STXBP3: variants seen among roughly 807,000 people sequenced by gnomAD.
STXBP3 encodes the protein syntaxin binding protein 3.
Under a neutral mutation model 85.7 loss-of-function variants are expected in STXBP3, and 41 were observed. The ratio of observed to expected loss-of-function variants is 0.48; its 90% confidence interval spans 0.37 to 0.62. The LOEUF (loss-of-function observed/expected upper bound fraction) is 0.62. STXBP3 is among the 20% of genes least tolerant of loss of function. The pLI, the probability that STXBP3 is intolerant of heterozygous loss-of-function variation, is 0.00. For missense variants in STXBP3, 563 were observed against 703.1 expected (o/e 0.80, Z 2.25); for synonymous variants, 229 against 231.7 (o/e 0.99, Z 0.10).
At chr1:108,773,328 TACAGTAAGTCCTC>T (rs1453893331) in intron 7 of STXBP3, among the ~76,000 whole-genome samples, 4 of 152,198 alleles carry the variant, frequency 2.6e-5, no homozygotes, top group African/African-American at 9.6e-5. Flanking sequence ...AAATTGTCTA[TACAGTAAGTCCTC>T]ACTTAAAATG....
intron 6 of STXBP3, among the ~76,000 whole-genome samples, chr1:108,770,089 A>C (rs1662352181): frequency 6.6e-6 from 1 of 152,146 alleles, no homozygotes; most frequent in Non-Finnish European, 1.5e-5. Flanking sequence ...CAGGAGTACT[A>C]GACCAGCCTG....
At chr1:108,771,515 T>TATATA (rs1662415952) in intron 6 of STXBP3, among the ~76,000 whole-genome samples, 1 of 73,462 alleles carries the variant, frequency 1.4e-5, no homozygotes, top group African/African-American at 6.3e-5. Context: ...GATATATAAA[T>TATATA]ATATATGATA....
At chr1:108,749,644 C>G (rs962290480) in intron 1 of STXBP3, among the ~76,000 whole-genome samples, 1 of 152,216 alleles carries the variant, frequency 6.6e-6, no homozygotes, top group African/African-American at 2.4e-5. Context: ...TGACTCCTCT[C>G]TAAACATACC....
chr1:108,747,268 C>T (rs571407018), intron 1 of STXBP3, among the ~76,000 whole-genome samples: 3 of 151,726 alleles, frequency 2.0e-5, no homozygotes, highest in African/African-American at 7.3e-5. Flanking sequence ...TTAGTATCAA[C>T]CCGTGCTTTT....
intron 6 of STXBP3, 128 bp from the exon 7 acceptor site, chr1:108,772,535 CTA>C (rs928814095): frequency 4.9e-5 from 12 of 242,964 alleles, no homozygotes; most frequent in African/African-American, 9.6e-5. Context: ...TGATATATAT[CTA>C]TATAATATAT....
intron 16 of STXBP3, among the ~76,000 whole-genome samples, chr1:108,799,234 A>G (rs1312528307): frequency 1.3e-5 from 2 of 152,210 alleles, no homozygotes; most frequent in African/African-American, 4.8e-5. Context: ...GCTTAAACAT[A>G]TATGAAAAAT....
intron 6 of STXBP3, among the ~76,000 whole-genome samples, chr1:108,763,728 A>G (rs1287575782): frequency 6.8e-6 from 1 of 146,152 alleles, no homozygotes; most frequent in African/African-American, 2.6e-5. Flanking sequence ...GGCATGTGCT[A>G]CCATGCCCAG....
At chr1:108,748,971 G>A (rs574884014) in intron 1 of STXBP3, among the ~76,000 whole-genome samples, 3 of 152,334 alleles carry the variant, frequency 2.0e-5, no homozygotes, top group Admixed American at 2.0e-4. Flanking sequence ...AGCATTTGAG[G>A]GAATTTCGAG....
intron 6 of STXBP3, among the ~76,000 whole-genome samples, chr1:108,768,935 A>G (rs1478074620): frequency 1.3e-5 from 2 of 152,116 alleles, no homozygotes. Context: ...ATAATAAGGC[A>G]AGTAGAGTTG....
intron 17 of STXBP3, among the ~76,000 whole-genome samples, chr1:108,806,610 G>T (rs778684260): frequency 1.3e-5 from 2 of 152,070 alleles, no homozygotes; most frequent in Non-Finnish European, 2.9e-5. Flanking sequence ...CGAAACACAG[G>T]TCTAATTCTT....
chr1:108,801,928 C>G (rs562740853), intron 17 of STXBP3, among the ~76,000 whole-genome samples: 3 of 152,222 alleles, frequency 2.0e-5, no homozygotes, highest in African/African-American at 7.2e-5. Flanking sequence ...CTCAGCCTCC[C>G]AAAGCACTGG....
chr1:108,806,044 TAATA>T (rs1418718579), intron 17 of STXBP3, among the ~76,000 whole-genome samples: 1 of 152,268 alleles, frequency 6.6e-6, no homozygotes, highest in Non-Finnish European at 1.5e-5. Context: ...TAAGTTTTAC[TAATA>T]TATACTAGTA....
In STXBP3 at chr1:108,782,719, C is replaced by T; in HGVS notation, c.963+13C>T. 1.9e-6 allele frequency: 3 copies of T among 1,585,942 alleles called. No individual in the cohort carries two copies. Among genetic ancestry groups the T allele is most frequent in the Non-Finnish European group, 2.6e-6 (3 of 1,169,234 alleles). On this transcript the variant is annotated intron_variant, in intron 11 of 18. Transcript: ENST00000370008. ...AACAGAAGGAAAGGTAAGAGTCTTA[C>T]TTAACTTTCAAAGTAATAGTGAAGG...
chr1:108,757,410 A>G (rs546478419), intron 4 of STXBP3, among the ~76,000 whole-genome samples: 1 of 152,192 alleles, frequency 6.6e-6, no homozygotes, highest in African/African-American at 2.4e-5. Flanking sequence ...ACATTTTTAA[A>G]AAAACAAAAA....
At chr1:108,763,443 A>T (rs1453030331) in intron 6 of STXBP3, among the ~76,000 whole-genome samples, 1 of 152,208 alleles carries the variant, frequency 6.6e-6, no homozygotes, top group African/African-American at 2.4e-5. Context: ...ATTAAGCTCC[A>T]AGTGAACTGA....
At chr1:108,776,918 C>T (rs762273129) in intron 8 of STXBP3, among the ~76,000 whole-genome samples, 7 of 152,062 alleles carry the variant, frequency 4.6e-5, no homozygotes, top group Non-Finnish European at 7.4e-5. Flanking sequence ...TAATATATAC[C>T]TTGCTAGGCG....
At chr1:108,761,427 T>A (rs1418983938) in intron 6 of STXBP3, among the ~76,000 whole-genome samples, 1 of 152,186 alleles carries the variant, frequency 6.6e-6, no homozygotes. Flanking sequence ...TCACAGAAGA[T>A]AAATATAATT....
chr1:108,758,867 G>A (rs1458819467), intron 5 of STXBP3, among the ~76,000 whole-genome samples: 1 of 152,216 alleles, frequency 6.6e-6, no homozygotes, highest in African/African-American at 2.4e-5. Flanking sequence ...GGGATGCTGG[G>A]ATGTGAGGGA....
intron 6 of STXBP3, among the ~76,000 whole-genome samples, chr1:108,769,143 G>T (rs1432389724): frequency 6.6e-6 from 1 of 152,016 alleles, no homozygotes; most frequent in Non-Finnish European, 1.5e-5. Flanking sequence ...CTAGAGAAAA[G>T]AAAATGTTAT....
Sources: gnomAD v4.1 joint callset for allele counts (sites outside exome capture counted in the v4.1 genomes callset) on GRCh38, gnomAD v4.1.1 for gene constraint, MANE v1.5 for transcripts, NCBI Gene and HGNC (gene_info 2026-07-23, HGNC 2026-07-21) for gene names.